The following COL11A1 variants were observed in gnomAD, a reference collection of about 807,000 sequenced individuals.
COL11A1 encodes the protein collagen type XI alpha 1 chain, also known as collagen alpha-1(XI) chain.
Under a neutral mutation model 265.2 loss-of-function variants are expected in COL11A1, and 74 were observed. That is an observed-to-expected ratio of 0.28 (90% CI 0.23 to 0.34). The LOEUF is 0.34. Among genes scored for constraint, COL11A1 ranks in the 10% least tolerant of loss-of-function variants. COL11A1 has a pLI of 1.00. For missense variants in COL11A1, 2,165 were observed against 2,263.6 expected (o/e 0.96, Z 0.88); for synonymous variants, 816 against 727.6 (o/e 1.12, Z -1.96).
At chr1:102,903,651 T>C (rs1653515739) in intron 54 of COL11A1, among the ~76,000 whole-genome samples, 1 of 152,222 alleles carries the variant, frequency 6.6e-6, no homozygotes, top group Non-Finnish European at 1.5e-5. Context: ...AAATATGCTC[T>C]TGCTATTTTC....
At chr1:103,000,905 TG>T (rs1172521414) in intron 24 of COL11A1, 10 of 350,916 alleles carry the variant, frequency 2.8e-5, no homozygotes, top group Non-Finnish European at 4.6e-5. Flanking sequence ...ACCCAATCAA[TG>T]GAATACTATG....
At chr1:102,964,639 C>T (rs899914988) in intron 38 of COL11A1, among the ~76,000 whole-genome samples, 4 of 145,868 alleles carry the variant, frequency 2.7e-5, no homozygotes, top group Admixed American at 6.9e-5. Flanking sequence ...TGTGTGTGTC[C>T]GTGTGCGCAT....
intron 13 of COL11A1, among the ~76,000 whole-genome samples, chr1:103,013,000 C>A (rs9645399): frequency 6.6e-6 from 1 of 151,910 alleles, no homozygotes; most frequent in Non-Finnish European, 1.5e-5. Context: ...TATAATCATA[C>A]GCATAATAAA....
chr1:102,953,283 C>A (rs1019126684), intron 41 of COL11A1, among the ~76,000 whole-genome samples: 3 of 151,802 alleles, frequency 2.0e-5, no homozygotes, highest in African/African-American at 4.8e-5. Flanking sequence ...TGATCTCCAG[C>A]AGTTTGAGTA....
At chr1:102,974,610 G>A (rs1348453865) in intron 36 of COL11A1, among the ~76,000 whole-genome samples, 1 of 152,040 alleles carries the variant, frequency 6.6e-6, no homozygotes, top group South Asian at 2.1e-4. Flanking sequence ...CTAGTCTTCG[G>A]TATACTGTCA....
At chr1:102,934,353 G>GA in intron 46 of COL11A1, 96 bp downstream of exon 46, 2 of 873,640 alleles carry the variant, frequency 2.3e-6, no homozygotes, top group South Asian at 1.5e-5. Flanking sequence ...TTCTTACGTA[G>GA]AAAAAAAGAA....
At chr1:103,106,268 T>C (rs944284749) in intron 1 of COL11A1, among the ~76,000 whole-genome samples, 14 of 152,202 alleles carry the variant, frequency 9.2e-5, no homozygotes, top group Admixed American at 7.2e-4. Context: ...TGCAAAAGTG[T>C]CTCTCGGAGC....
chr1:102,902,629 T>G (rs1653355764), intron 54 of COL11A1, among the ~76,000 whole-genome samples: 1 of 151,972 alleles, frequency 6.6e-6, no homozygotes, highest in South Asian at 2.1e-4. Context: ...AGACCTTGTT[T>G]TCATAATGAC....
In COL11A1 at chr1:102,984,131, G is replaced by A; in HGVS notation, c.2556+7C>T. On this transcript the variant is annotated splice_region_variant and intron_variant, in intron 31 of 66. Transcript: ENST00000370096. ...GTTAATAAACTATAAATATCAAGCT[G>A]TTTTACCTTTGGACCTTGTCTTCCT... is the stretch of plus-strand genomic sequence containing the variant. 1 of 1,589,752 alleles carries A rather than the reference G, an allele frequency of 6.3e-7. No individual in the cohort carries two copies. Among genetic ancestry groups the A allele is most frequent in the Non-Finnish European group, 8.6e-7 (1 of 1,159,934 alleles).
intron 4 of COL11A1, among the ~76,000 whole-genome samples, chr1:103,059,369 G>A (rs897666984): frequency 6.6e-6 from 1 of 151,834 alleles, no homozygotes; most frequent in Non-Finnish European, 1.5e-5. Context: ...CATAGAATGA[G>A]TCCTTCCCGT....
At chr1:102,940,251 A>G (rs1313315168) in intron 43 of COL11A1, 76 bp downstream of exon 43, 17 of 1,207,360 alleles carry the variant, frequency 1.4e-5, no homozygotes, top group Non-Finnish European at 2.1e-5. Context: ...AATCATAAAG[A>G]TTAGAATTAT....
At chr1:103,002,274 A>T (rs961749219) in intron 23 of COL11A1, among the ~76,000 whole-genome samples, 154 bp downstream of exon 23, 28 of 152,078 alleles carry the variant, frequency 1.8e-4, no homozygotes, top group African/African-American at 5.6e-4. Context: ...GTTTGCTCAA[A>T]TTTTTTTAAA....
chr1:102,928,022 G>C (rs1656834761), intron 46 of COL11A1, among the ~76,000 whole-genome samples: 1 of 151,986 alleles, frequency 6.6e-6, no homozygotes, highest in Non-Finnish European at 1.5e-5. Flanking sequence ...CTGGGACTTC[G>C]TGTTCCTCCT....
chr1:102,923,055 T>C (rs1656174045), intron 47 of COL11A1, among the ~76,000 whole-genome samples: 1 of 152,206 alleles, frequency 6.6e-6, no homozygotes, highest in Non-Finnish European at 1.5e-5. Flanking sequence ...AGCATTCTAA[T>C]TAAGACAGAA....
intron 49 of COL11A1, 60 bp downstream of exon 49, chr1:102,920,251 C>A: frequency 6.9e-7 from 1 of 1,440,468 alleles, no homozygotes; most frequent in South Asian, 1.1e-5. Context: ...AACTACTACC[C>A]AATATTATTA....
chr1:102,961,899 T>A lies in COL11A1; in HGVS notation c.3135A>T (p.Gly1045=), dbSNP rs1340082235. The A allele has an allele frequency of 1.2e-6, 2 of 1,613,250 alleles. No individual in the cohort carries two copies. ...PGAQGAPGLK[G]GEGPQGPPGP... is the part of the protein sequence containing the mutation. ...CTGGTGGGCCCTGGGGACCTTCCCC[T>A]CCTTTCAGTCCAGGTGCACCCTGGG... is the stretch of plus-strand genomic sequence containing the variant. The change falls in exon 41 of 67, where the codon GGA becomes GGT. Residue 1045 remains glycine (G), a synonymous_variant. Transcript: ENST00000370096.
At chr1:103,078,400 A>C (rs555421171) in intron 3 of COL11A1, among the ~76,000 whole-genome samples, 1 of 151,898 alleles carries the variant, frequency 6.6e-6, no homozygotes, top group Admixed American at 6.6e-5. Flanking sequence ...CCACTGCCAC[A>C]CCCTAACCTC....
chr1:103,071,445 C>T (rs1193446586), intron 4 of COL11A1, among the ~76,000 whole-genome samples: 18 of 116,472 alleles, frequency 1.5e-4, no homozygotes, highest in African/African-American at 5.1e-4. Context: ...AAAATCAAGG[C>T]TGTTGATTTG....
intron 57 of COL11A1, among the ~76,000 whole-genome samples, chr1:102,891,802 G>A (rs1417099742): frequency 6.6e-6 from 1 of 151,662 alleles, no homozygotes; most frequent in East Asian, 1.9e-4. Flanking sequence ...AGGGTCACTT[G>A]AACCCATGAG....
Sources: allele counts gnomAD v4.1 joint callset (sites outside exome capture counted in the v4.1 genomes callset), GRCh38; gene constraint gnomAD v4.1.1; transcripts MANE v1.5; gene names NCBI Gene and HGNC (gene_info 2026-07-23, HGNC 2026-07-21).